BNC2: variants seen among roughly 807,000 people sequenced by gnomAD.
BNC2 encodes zinc finger protein basonuclin-2.
BNC2 carries 20 observed loss-of-function variants against 76.3 expected under a neutral mutation model. That is an observed-to-expected ratio of 0.26 (90% CI 0.18 to 0.38). BNC2 has a LOEUF of 0.38. Ranked by LOEUF, BNC2 falls within the 10% of genes least tolerant of loss-of-function variation. The pLI is 1.00. For synonymous variants in BNC2, 582 were observed against 514.8 expected (o/e 1.13, Z -1.77); for missense variants, 1,382 against 1,399.8 (o/e 0.99, Z 0.20).
chr9:16,842,058 C>T (rs1818844140), intron 1 of BNC2, among the ~76,000 whole-genome samples: 1 of 152,208 alleles, frequency 6.6e-6, no homozygotes, highest in African/African-American at 2.4e-5. Flanking sequence ...GATCCACCTG[C>T]CTCGGCCTCC....
chr9:16,486,620 G>C (rs1396681983), intron 5 of BNC2, among the ~76,000 whole-genome samples: 3 of 152,140 alleles, frequency 2.0e-5, no homozygotes, highest in East Asian at 3.9e-4. Context: ...GACACATTAG[G>C]CTCTCAAATA....
chr9:16,481,279 A>C (rs1408828382), intron 5 of BNC2, among the ~76,000 whole-genome samples: 1 of 152,036 alleles, frequency 6.6e-6, no homozygotes, highest in Non-Finnish European at 1.5e-5. Context: ...CACATAAGAG[A>C]ATAAAAGCAG....
intron 4 of BNC2, among the ~76,000 whole-genome samples, chr9:16,568,807 AAG>A (rs1390968154): frequency 2.6e-5 from 4 of 152,310 alleles, no homozygotes; most frequent in African/African-American, 9.6e-5. Flanking sequence ...AATTGTGATT[AAG>A]AGAAAAATTT....
At chr9:16,626,619 T>C (rs888091479) in intron 3 of BNC2, among the ~76,000 whole-genome samples, 3 of 152,144 alleles carry the variant, frequency 2.0e-5, no homozygotes, top group African/African-American at 4.8e-5. Context: ...AACTAAAACC[T>C]GGCTCTGGGG....
intron 5 of BNC2, among the ~76,000 whole-genome samples, chr9:16,498,260 C>CATATAT (rs1452624832): frequency 2.6e-5 from 3 of 114,994 alleles, no homozygotes; most frequent in African/African-American, 9.3e-5. Flanking sequence ...TATATTCCAT[C>CATATAT]ATATATATAT....
intron 5 of BNC2, among the ~76,000 whole-genome samples, chr9:16,526,098 G>A (rs16934784): frequency 1.3e-5 from 2 of 151,398 alleles, no homozygotes; most frequent in African/African-American, 4.9e-5. Flanking sequence ...GCTTCATCCT[G>A]GGTTTTTGTT....
chr9:16,859,009 C>A (rs556107025), intron 1 of BNC2, among the ~76,000 whole-genome samples: 141 of 151,722 alleles, frequency 9.3e-4, no homozygotes, highest in African/African-American at 3.2e-3. Flanking sequence ...TCAACAACAA[C>A]AAAAAAAGCC....
At chr9:16,723,351 T>G (rs1459809674) in intron 3 of BNC2, among the ~76,000 whole-genome samples, 1 of 152,086 alleles carries the variant, frequency 6.6e-6, no homozygotes, top group Non-Finnish European at 1.5e-5. Context: ...AAAAGGGATG[T>G]CTATTTGAGT....
At chr9:16,689,945 G>T (rs982920112) in intron 3 of BNC2, among the ~76,000 whole-genome samples, 2 of 152,218 alleles carry the variant, frequency 1.3e-5, no homozygotes, top group Admixed American at 1.3e-4. Context: ...TAAAGATGAA[G>T]ATGCACGCTA....
intron 3 of BNC2, among the ~76,000 whole-genome samples, chr9:16,686,499 C>G (rs996269621): frequency 1.3e-5 from 2 of 152,122 alleles, no homozygotes; most frequent in Non-Finnish European, 2.9e-5. Flanking sequence ...ACTACTCACA[C>G]TAATCATATA....
intron 3 of BNC2, among the ~76,000 whole-genome samples, chr9:16,624,985 C>T (rs1820954151): frequency 6.6e-6 from 1 of 152,198 alleles, no homozygotes; most frequent in Admixed American, 6.5e-5. Flanking sequence ...TAATAGCAGG[C>T]AGCTGGGAAG....
intron 3 of BNC2, among the ~76,000 whole-genome samples, chr9:16,615,004 A>AAAAAAAAG (rs1281440121): frequency 8.8e-6 from 1 of 113,082 alleles, no homozygotes; most frequent in Non-Finnish European, 1.8e-5. Flanking sequence ...AAAAAAAAAA[A>AAAAAAAAG]GCCAAGCAGG....
chr9:16,713,071 C>T (rs1823896026), intron 3 of BNC2, among the ~76,000 whole-genome samples: 1 of 152,196 alleles, frequency 6.6e-6, no homozygotes, highest in Non-Finnish European at 1.5e-5. Context: ...ATCGTCCTCC[C>T]CATGGAGCAT....
chr9:16,476,941 G>A (rs937171156), intron 5 of BNC2, among the ~76,000 whole-genome samples: 1 of 152,078 alleles, frequency 6.6e-6, no homozygotes, highest in South Asian at 2.1e-4. Flanking sequence ...ACATTAGCAG[G>A]GAGGGTGTCA....
chr9:16,819,747 A>G (rs1249435486), intron 1 of BNC2, among the ~76,000 whole-genome samples: 2 of 152,186 alleles, frequency 1.3e-5, no homozygotes, highest in African/African-American at 4.8e-5. Context: ...TCATGCCAGT[A>G]GGTACCCATA....
chr9:16,777,359 C>A (rs572798186), intron 1 of BNC2, among the ~76,000 whole-genome samples: 7 of 151,928 alleles, frequency 4.6e-5, no homozygotes, highest in African/African-American at 1.7e-4. Context: ...ACATGAGGAG[C>A]AAATTTGAAT....
Position 16,552,542 on chromosome 9 carries a change from T to A in BNC2, c.657A>T (p.Gly219=), listed in dbSNP as rs538306357. ...GTCCTCTCCCTACCTGAAGGATGTA[T>A]CCTCGGACATAGTCCCGCAGAGTCC... ...LGWTLRDYVR[G]YILQDAAGKV... Residue 219 remains glycine (G), a synonymous_variant, in exon 5 of 7, where the codon GGA becomes GGT. Coordinates refer to ENST00000380672, the MANE Select transcript of BNC2 (RefSeq NM_017637.6). 1.2e-6 allele frequency: 2 copies of A among 1,614,160 alleles called. No homozygotes were observed. The highest frequency in any genetic ancestry group is 2.7e-5 in the African/African-American group (2 of 75,064).
chr9:16,653,042 G>C (rs573107094), intron 3 of BNC2, among the ~76,000 whole-genome samples: 1 of 152,162 alleles, frequency 6.6e-6, no homozygotes, highest in Admixed American at 6.5e-5. Context: ...TATATTAGAT[G>C]ATCTCCAAAT....
At chr9:16,811,241 A>AG (rs1818043614) in intron 1 of BNC2, among the ~76,000 whole-genome samples, 2 of 145,224 alleles carry the variant, frequency 1.4e-5, no homozygotes, top group Admixed American at 1.4e-4. Flanking sequence ...AAAAAAAAAA[A>AG]AAACCAAAAA....
Sources: gnomAD v4.1 joint callset for allele counts (sites outside exome capture counted in the v4.1 genomes callset) on GRCh38, gnomAD v4.1.1 for gene constraint, MANE v1.5 for transcripts, NCBI Gene and HGNC (gene_info 2026-07-23, HGNC 2026-07-21) for gene names.